Variants in KCNT2 observed in about 807,000 individuals in gnomAD.
KCNT2 encodes potassium sodium-activated channel subfamily T member 2.
Under a neutral mutation model 153.8 loss-of-function variants are expected in KCNT2, and 67 were observed. The observed-to-expected ratio is 0.44, with a 90% CI of 0.36 to 0.53. KCNT2 has a LOEUF of 0.53. KCNT2 is among the 20% of genes least tolerant of loss of function. The pLI, the probability that KCNT2 is intolerant of heterozygous loss-of-function variation, is 0.00. For synonymous variants in KCNT2, 500 were observed against 458.8 expected (o/e 1.09, Z -1.15); for missense variants, 975 against 1,354.8 (o/e 0.72, Z 4.40).
intron 26 of KCNT2, chr1:196,257,235 A>C: frequency 1.0e-6 from 1 of 985,070 alleles, no homozygotes; most frequent in Non-Finnish European, 1.2e-6. Context: ...ATAGCATGCT[A>C]TGCATAGAGT....
intron 4 of KCNT2, 119 bp from the exon 5 acceptor site, chr1:196,479,357 T>C: frequency 1.7e-6 from 1 of 596,298 alleles, no homozygotes; most frequent in South Asian, 2.2e-5. Flanking sequence ...GGGTGTATAA[T>C]AGGACTTATT....
intron 3 of KCNT2, among the ~76,000 whole-genome samples, chr1:196,484,855 T>C (rs1385741663): frequency 1.3e-5 from 2 of 152,052 alleles, no homozygotes; most frequent in Non-Finnish European, 2.9e-5. Flanking sequence ...GGTGAGAATG[T>C]AAATTAGTTC....
intron 14 of KCNT2, among the ~76,000 whole-genome samples, chr1:196,361,863 TA>T (rs1667651127): frequency 6.6e-6 from 1 of 152,050 alleles, no homozygotes; most frequent in Non-Finnish European, 1.5e-5. Flanking sequence ...AGCAAATTTA[TA>T]GCAATCAATC....
chr1:196,524,878 A>C (rs902648497), intron 1 of KCNT2, among the ~76,000 whole-genome samples: 9 of 152,182 alleles, frequency 5.9e-5, no homozygotes, highest in African/African-American at 7.2e-5. Flanking sequence ...AGCTTAAAAA[A>C]TATTAATTTA....
chr1:196,461,331 C>T (rs1367186841), intron 8 of KCNT2, among the ~76,000 whole-genome samples: 1 of 151,376 alleles, frequency 6.6e-6, no homozygotes, highest in Non-Finnish European at 1.5e-5. Flanking sequence ...TGAAATAAGA[C>T]TGAGAAGGTG....
chr1:196,450,302 C>T (rs773947466), intron 8 of KCNT2, among the ~76,000 whole-genome samples: 1 of 151,770 alleles, frequency 6.6e-6, no homozygotes, highest in Non-Finnish European at 1.5e-5. Flanking sequence ...TGCCTAGGTA[C>T]TCTCTTCTAA....
chr1:196,434,642 C>A (rs1021428412), intron 8 of KCNT2, among the ~76,000 whole-genome samples: 14 of 151,820 alleles, frequency 9.2e-5, no homozygotes, highest in Non-Finnish European at 1.8e-4. Flanking sequence ...TTCTACAAAC[C>A]CTTCTTTTGC....
At chr1:196,430,396 CTCTCTCTCTCTTTCTCTCTCTCTT>C (rs1197814669) in intron 8 of KCNT2, among the ~76,000 whole-genome samples, 32 of 148,210 alleles carry the variant, frequency 2.2e-4, no homozygotes, top group African/African-American at 8.3e-4. Flanking sequence ...CTCTCTCTCT[CTCTCTCTCTCTTTCTCTCTCTCTT>C]TCTCTCTCTC....
intron 3 of KCNT2, among the ~76,000 whole-genome samples, chr1:196,489,143 A>C (rs147858652): frequency 3.3e-5 from 5 of 152,156 alleles, no homozygotes; most frequent in Non-Finnish European, 5.9e-5. Flanking sequence ...TCAAAGGTGC[A>C]TAAGCTACTT....
chr1:196,593,849 G>T (rs1230543422), intron 1 of KCNT2, among the ~76,000 whole-genome samples: 1 of 152,012 alleles, frequency 6.6e-6, no homozygotes, highest in Non-Finnish European at 1.5e-5. Flanking sequence ...AATGGTCACA[G>T]ATGTATTTCA....
At position 196,333,907 on chromosome 1, in the gene KCNT2, A is replaced by G; in HGVS notation, c.1937T>C (p.Leu646Pro). The change falls in exon 17 of 28, where the codon CTT becomes CCT. Residue 646 changes from leucine (L) to proline (P), a missense_variant. This residue lies in a region of KCNT2 where 325 missense variants were observed against 388.1 expected (regional missense o/e 0.84). Coordinates refer to ENST00000294725, the MANE Select transcript of KCNT2 (RefSeq NM_198503.5). ...ADTSSIQTCD[L>P]LSDQSEDETT... ...TTCATCTTCTGATTGGTCACTTAGA[A>G]GATCACATGTTTGAATCGATGATGT... 1 of 1,612,996 alleles carries G rather than the reference A, an allele frequency of 6.2e-7. No individual in the cohort carries two copies. Among genetic ancestry groups the G allele is most frequent in the East Asian group, 2.2e-5 (1 of 44,742 alleles).
At position 196,387,944 on chromosome 1, in the gene KCNT2, C is replaced by G. The variant is rs79563678; in HGVS notation, c.1294+10619G>C. On this transcript the variant is annotated intron_variant, in intron 13 of 27. Transcript: ENST00000294725. ...GCCAATTTTTCTTTTTTTTTTTTTT[C>G]TCTTATGGTTTGTGGTTTTCGTGTG... Among the ~76,000 whole-genome samples, 4 of 103,196 alleles carry G rather than the reference C, an allele frequency of 3.9e-5. No homozygotes were observed. In the South Asian group the frequency reaches 8.8e-4, roughly 23 times the overall value. 67.7% of individuals were successfully genotyped at this position (103,196 alleles called of 152,430 possible).
rs1660563973 is a variant in KCNT2 at position 196,295,152 on chromosome 1, A to G, written c.2596-9394T>C. On this transcript the variant is annotated intron_variant, in intron 22 of 27. Coordinates refer to ENST00000294725, the MANE Select transcript of KCNT2 (RefSeq NM_198503.5). ...AATATATATATGTGTATATATGTATATATGTGTATATATATAAATGTCACA... is the reference window on the plus strand; with the variant it reads ...AATATATATATGTGTATATATGTATGTATGTGTATATATATAAATGTCACA... Among the ~76,000 whole-genome samples, 7 of 151,690 alleles carry G rather than the reference A, an allele frequency of 4.6e-5. No homozygotes were observed. The South Asian group carries it at 1.5e-3, about 31-fold the overall frequency.
chr1:196,604,441 G>GT (rs1665094320), intron 1 of KCNT2, among the ~76,000 whole-genome samples: 1 of 152,040 alleles, frequency 6.6e-6, no homozygotes, highest in Non-Finnish European at 1.5e-5. Flanking sequence ...TTAGATTTTT[G>GT]TTTTTTGCTC....
At chr1:196,548,350 C>T (rs1161243970) in intron 1 of KCNT2, among the ~76,000 whole-genome samples, 1 of 151,910 alleles carries the variant, frequency 6.6e-6, no homozygotes, top group Non-Finnish European at 1.5e-5. Flanking sequence ...GGGTGAAGGA[C>T]ATGAACAGAC....
chr1:196,269,652 C>A (rs1004315473), intron 25 of KCNT2, among the ~76,000 whole-genome samples: 2 of 151,896 alleles, frequency 1.3e-5, no homozygotes, highest in Non-Finnish European at 2.9e-5. Flanking sequence ...TTACTACAGC[C>A]TTTTTTTCCC....
At chr1:196,464,565 T>C (rs1040101450) in intron 8 of KCNT2, among the ~76,000 whole-genome samples, 6 of 151,858 alleles carry the variant, frequency 4.0e-5, no homozygotes, top group African/African-American at 1.4e-4. Flanking sequence ...TCTTTCTCAA[T>C]AGGGTCAGAC....
intron 12 of KCNT2, among the ~76,000 whole-genome samples, chr1:196,409,334 C>T (rs931103177): frequency 3.6e-4 from 54 of 151,286 alleles, no homozygotes; most frequent in African/African-American, 1.0e-3. Context: ...TCTTTATTAA[C>T]GGCCACCCTA....
chr1:196,309,853 CATAAT>C (rs1661993884), intron 21 of KCNT2, among the ~76,000 whole-genome samples: 1 of 151,652 alleles, frequency 6.6e-6, no homozygotes, highest in Non-Finnish European at 1.5e-5. Context: ...GCACTAGAAA[CATAAT>C]AGAGCAATAC....
Sources: allele counts gnomAD v4.1 joint callset (sites outside exome capture counted in the v4.1 genomes callset), GRCh38; gene constraint gnomAD v4.1.1; regional missense constraint gnomAD v4.1.1; transcripts MANE v1.5; gene names NCBI Gene and HGNC (gene_info 2026-07-23, HGNC 2026-07-21).